Variants in CLMP observed in about 807,000 individuals in gnomAD.
CLMP encodes the protein CXADR-like membrane protein.
CLMP carries 27 observed loss-of-function variants against 45.2 expected under a neutral mutation model. The observed-to-expected ratio is 0.60, with a 90% CI of 0.44 to 0.82. The LOEUF (loss-of-function observed/expected upper bound fraction) is 0.82, where lower values mean the gene tolerates loss of function less well. CLMP is among the 40% of genes least tolerant of loss of function. CLMP has a pLI of 0.00. For missense variants in CLMP, 403 were observed against 448.4 expected (o/e 0.90, Z 0.91); for synonymous variants, 167 against 171.4 (o/e 0.97, Z 0.20).
intron 1 of CLMP, among the ~76,000 whole-genome samples, chr11:123,108,066 C>T (rs997987386): frequency 2.0e-5 from 3 of 152,006 alleles, no homozygotes; most frequent in African/African-American, 7.3e-5. Context: ...GAATTCTAGA[C>T]GGAGGGAGCA....
chr11:123,142,807 T>G (rs1047255924), intron 1 of CLMP, among the ~76,000 whole-genome samples: 12 of 148,834 alleles, frequency 8.1e-5, no homozygotes, highest in African/African-American at 2.8e-4. Context: ...TTTGTATTTT[T>G]AGTAGAGACG....
chr11:123,107,431 G>A (rs923489119), intron 1 of CLMP, among the ~76,000 whole-genome samples: 2 of 151,258 alleles, frequency 1.3e-5, no homozygotes, highest in Admixed American at 6.6e-5. Flanking sequence ...GGCTTTCACC[G>A]TGTTGGCCAG....
At chr11:123,168,305 G>A (rs1310662887) in intron 1 of CLMP, among the ~76,000 whole-genome samples, 1 of 152,180 alleles carries the variant, frequency 6.6e-6, no homozygotes, top group Middle Eastern at 3.4e-3. Context: ...CCCAGAGCTG[G>A]GGCCACGGCA....
chr11:123,184,197 T>C lies in CLMP; in HGVS notation c.28+10716A>G, dbSNP rs528160511. Reference sequence around the variant, plus strand: ...GCAACCTCTGCCTCCCGGGTTCAAGTGATTATTCTGCCTCAGCCTCCTGAG... The same window carrying C: ...GCAACCTCTGCCTCCCGGGTTCAAGCGATTATTCTGCCTCAGCCTCCTGAG... On this transcript the variant is annotated intron_variant, in intron 1 of 6. Transcript: ENST00000448775. Among the ~76,000 whole-genome samples, 418 of 152,168 alleles carry C rather than the reference T, an allele frequency of 2.7e-3. 2 individuals are homozygous for C. The highest frequency in any genetic ancestry group is 4.9e-3 in the Non-Finnish European group (334 of 68,012).
chr11:123,080,053 G>A (rs761022550), intron 5 of CLMP, among the ~76,000 whole-genome samples: 2 of 152,194 alleles, frequency 1.3e-5, no homozygotes, highest in Non-Finnish European at 2.9e-5. Context: ...CATTCACATG[G>A]CTGTTGGCTG....
chr11:123,135,259 C>G lies in CLMP; in HGVS notation c.29-37307G>C, dbSNP rs867138337. Among the ~76,000 whole-genome samples, 3 of 89,102 alleles carry G rather than the reference C, an allele frequency of 3.4e-5. No homozygotes were observed. In the South Asian group the frequency reaches 1.2e-3, roughly 37 times the overall value. The allele number at this position is 89,102 out of a possible 152,430, so 58.5% of individuals were successfully genotyped here. A position where few individuals can be genotyped will look rare whatever the true frequency, so the allele number is the denominator to read the frequency against. ...TGGGTGATAGAAAAAGACTCCGTCT[C>G]AAAAAAAAAAAAAAAACCTGAGAAA... On this transcript the variant is annotated intron_variant, in intron 1 of 6. Coordinates refer to ENST00000448775, the MANE Select transcript of CLMP (RefSeq NM_024769.5).
intron 1 of CLMP, among the ~76,000 whole-genome samples, chr11:123,183,165 T>C (rs1454823252): frequency 6.6e-6 from 1 of 152,198 alleles, no homozygotes; most frequent in Non-Finnish European, 1.5e-5. Context: ...TTAGTGGGTC[T>C]GAGATTCTGC....
chr11:123,120,748 C>T (rs1860803126), intron 1 of CLMP, among the ~76,000 whole-genome samples: 2 of 152,080 alleles, frequency 1.3e-5, no homozygotes. Flanking sequence ...GGATATTAAT[C>T]ACAGGGTTCC....
At chr11:123,143,775 C>A (rs888093142) in intron 1 of CLMP, among the ~76,000 whole-genome samples, 1 of 152,134 alleles carries the variant, frequency 6.6e-6, no homozygotes, top group Admixed American at 6.6e-5. Context: ...AGATGAGGAC[C>A]CAGCCCTTGC....
intron 1 of CLMP, among the ~76,000 whole-genome samples, chr11:123,108,830 G>C (rs1448422890): frequency 6.6e-6 from 1 of 152,032 alleles, no homozygotes; most frequent in Admixed American, 6.6e-5. Flanking sequence ...GAGGCGGGCG[G>C]ATCACCTGAG....
At chr11:123,177,412 G>T (rs1258602388) in intron 1 of CLMP, among the ~76,000 whole-genome samples, 1 of 152,142 alleles carries the variant, frequency 6.6e-6, no homozygotes. Flanking sequence ...GCTGAATCAG[G>T]AACCCTCAGC....
Position 123,073,669 on chromosome 11 carries a change from A to G in CLMP, c.927T>C (p.Asn309=), listed in dbSNP as rs760197866. 9 of 1,614,132 alleles carry G rather than the reference A, an allele frequency of 5.6e-6. No individual in the cohort carries two copies. Among genetic ancestry groups the G allele is most frequent in the South Asian group, 1.1e-5 (1 of 91,080 alleles). Residue 309 remains asparagine (N), a synonymous_variant, in exon 7 of 7, where the codon AAT becomes AAC. Transcript: ENST00000448775. The part of the protein sequence containing the change: ...SGSSSTRSTA[N]SASRSQRTLS... ...GTGTCCGCTGGCTGCGTGAGGCACT[A>G]TTTGCTGTGGAGCGAGTGGAGGAAG...
intron 2 of CLMP, among the ~76,000 whole-genome samples, chr11:123,096,658 A>C (rs992241483): frequency 6.6e-6 from 1 of 152,244 alleles, no homozygotes. Context: ...GAGGTGATGT[A>C]GACAGCTATT....
At chr11:123,123,025 T>C (rs1860839202) in intron 1 of CLMP, among the ~76,000 whole-genome samples, 1 of 152,076 alleles carries the variant, frequency 6.6e-6, no homozygotes, top group African/African-American at 2.4e-5. Flanking sequence ...TTTGCTGTGT[T>C]TGCAGCTTGG....
chr11:123,167,956 AAGACAGACAGACAGAC>A (rs112277747), intron 1 of CLMP, among the ~76,000 whole-genome samples: 6 of 151,616 alleles, frequency 4.0e-5, no homozygotes, highest in African/African-American at 1.5e-4. Context: ...CCAGGAAGGA[AAGACAGACAGACAGAC>A]AGACAGACAG....
chr11:123,116,858 G>A (rs1385223952), intron 1 of CLMP, among the ~76,000 whole-genome samples: 1 of 152,132 alleles, frequency 6.6e-6, no homozygotes, highest in Non-Finnish European at 1.5e-5. Flanking sequence ...GAATAAGTGA[G>A]AATTGTAGTT....
chr11:123,162,736 A>G (rs1434138378), intron 1 of CLMP, among the ~76,000 whole-genome samples: 1 of 151,886 alleles, frequency 6.6e-6, no homozygotes, highest in East Asian at 1.9e-4. Flanking sequence ...TCTCTAAAAA[A>G]AAAAATACAA....
In CLMP at chr11:123,127,327, GA is replaced by G. The variant is rs1417596552; in HGVS notation, c.29-29376del. ...AGTAGAGACGGGGTTTCACCATGTT[GA>G]CCAGACTGGTCTCGAACTCCTAACC... On this transcript the variant is annotated intron_variant, in intron 1 of 6. Transcript: ENST00000448775. 5.9e-5 allele frequency among the ~76,000 whole-genome samples: 9 copies of G among 152,180 alleles called. No individual in the cohort carries two copies. The East Asian group carries it at 1.7e-3, about 30-fold the overall frequency.
In CLMP at chr11:123,098,623, C is replaced by T. The variant is rs11218980; in HGVS notation, c.29-671G>A. Among the ~76,000 whole-genome samples the T allele has an allele frequency of 3.1e-3, 468 of 151,710 alleles. 22 individuals are homozygous for T. In the East Asian group the frequency reaches 0.085, roughly 27 times the overall value. The stretch of plus-strand genomic sequence containing the variant: ...CAATCATGGCTCATTGCACCCTCGA[C>T]CTCACCAATTCAAGAGATCCTCCCA... On this transcript the variant is annotated intron_variant, in intron 1 of 6. Coordinates refer to ENST00000448775, the MANE Select transcript of CLMP (RefSeq NM_024769.5).
Sources: allele counts gnomAD v4.1 joint callset (sites outside exome capture counted in the v4.1 genomes callset), GRCh38; gene constraint gnomAD v4.1.1; transcripts MANE v1.5; gene names NCBI Gene and HGNC (gene_info 2026-07-23, HGNC 2026-07-21).